SENP1: variants seen among roughly 807,000 people sequenced by gnomAD.
SENP1 encodes sentrin-specific protease 1.
A neutral mutation model predicts 93.0 loss-of-function variants in SENP1; 21 were observed. The ratio of observed to expected loss-of-function variants is 0.23; its 90% CI spans 0.16 to 0.33. SENP1 has a LOEUF of 0.33. SENP1 is among the 10% of genes least tolerant of loss of function. The pLI is 1.00. For synonymous variants in SENP1, 256 were observed against 259.6 expected (o/e 0.99, Z 0.13); for missense variants, 591 against 758.7 (o/e 0.78, Z 2.60).
chr12:48,061,242 A>C (rs1282332095), intron 13 of SENP1, among the ~76,000 whole-genome samples: 1 of 152,212 alleles, frequency 6.6e-6, no homozygotes, highest in African/African-American at 2.4e-5. Flanking sequence ...ACAATGTATC[A>C]GTCACCTATT....
At chr12:48,082,956 G>A (rs1944590587) in intron 6 of SENP1, among the ~76,000 whole-genome samples, 1 of 152,102 alleles carries the variant, frequency 6.6e-6, no homozygotes, top group African/African-American at 2.4e-5. Context: ...CCAGGCTGCA[G>A]TGCAGTGACA....
chr12:48,105,365 A>G (rs1946431074), intron 1 of SENP1: 1 of 518,910 alleles, frequency 1.9e-6, no homozygotes, highest in Admixed American at 1.9e-5. Flanking sequence ...AGATCACGTT[A>G]GGGTACACCA....
Position 48,045,289 on chromosome 12 carries a change from C to A in SENP1, c.*33G>T, listed in dbSNP as rs745647001. On this transcript the variant is annotated 3_prime_UTR_variant, in exon 18 of 18. Coordinates refer to ENST00000549518, the MANE Select transcript of SENP1 (RefSeq NM_001267594.2). ...TGTAGACAACAAAGAGCTGGTCCCC[C>A]ACATGGTCAAGGTCTGCTAAGTGAG... The A allele has an allele frequency of 6.3e-6, 10 of 1,590,422 alleles. No individual in the cohort carries two copies. Among genetic ancestry groups the A allele is most frequent in the Non-Finnish European group, 7.8e-6 (9 of 1,159,076 alleles).
At chr12:48,075,032 C>A (rs1010650583) in intron 6 of SENP1, among the ~76,000 whole-genome samples, 1 of 151,626 alleles carries the variant, frequency 6.6e-6, no homozygotes, top group African/African-American at 2.4e-5. Flanking sequence ...CATAGTGAGA[C>A]CCCAACTCTA....
intron 6 of SENP1, among the ~76,000 whole-genome samples, chr12:48,079,757 C>A (rs897942988): frequency 2.0e-5 from 3 of 150,984 alleles, no homozygotes; most frequent in Non-Finnish European, 2.9e-5. Context: ...ATAGAGAGCA[C>A]AAAATAATTT....
intron 4 of SENP1, 142 bp from the exon 5 acceptor site, chr12:48,089,102 T>C (rs941336228): frequency 1.3e-6 from 2 of 1,557,898 alleles, no homozygotes; most frequent in East Asian, 2.3e-5. Flanking sequence ...CAGTCTCAAC[T>C]GCCAGTAAAG....
Sources: gnomAD v4.1 joint callset for allele counts (sites outside exome capture counted in the v4.1 genomes callset) on GRCh38, gnomAD v4.1.1 for gene constraint, MANE v1.5 for transcripts, NCBI Gene and HGNC (gene_info 2026-07-23, HGNC 2026-07-21) for gene names.